The following UNC5D variants were observed in gnomAD, a reference collection of about 807,000 sequenced individuals.
UNC5D encodes the protein netrin receptor UNC5D.
In UNC5D, 39 loss-of-function variants were observed where a neutral mutation model predicts 105.4. The ratio of observed to expected loss-of-function variants is 0.37; its 90% confidence interval spans 0.29 to 0.48. The LOEUF (loss-of-function observed/expected upper bound fraction) is 0.48. UNC5D is among the 20% of genes least tolerant of loss of function. UNC5D has a pLI of 0.98. For missense variants in UNC5D, 991 were observed against 1,202.4 expected (o/e 0.82, Z 2.60); for synonymous variants, 452 against 450.4 (o/e 1.00, Z -0.04).
chr8:35,518,644 G>A (rs1482826873), intron 1 of UNC5D, among the ~76,000 whole-genome samples: 1 of 152,032 alleles, frequency 6.6e-6, no homozygotes, highest in Non-Finnish European at 1.5e-5. Context: ...ATTTATGCAT[G>A]TTTTCTTTGG....
intron 16 of UNC5D, among the ~76,000 whole-genome samples, chr8:35,782,364 A>C (rs1206963836): frequency 6.6e-6 from 1 of 152,172 alleles, no homozygotes; most frequent in Non-Finnish European, 1.5e-5. Flanking sequence ...AGAGATATTA[A>C]TATTTTTCCA....
At position 35,387,644 on chromosome 8, in the gene UNC5D, G is replaced by A. The variant is rs77133406; in HGVS notation, c.103+151757G>A. 8.1e-3 allele frequency among the ~76,000 whole-genome samples: 1,230 copies of A among 152,224 alleles called. 4 individuals are homozygous for A. Among genetic ancestry groups the A allele is most frequent in the Non-Finnish European group, 0.012 (848 of 68,018 alleles). On this transcript the variant is annotated intron_variant, in intron 1 of 16. Transcript: ENST00000404895. ...CTACCCGTATTTGACGCTCAGCTAG[G>A]CCACTTGATGGCTGTGCAACGTTGA...
intron 9 of UNC5D, among the ~76,000 whole-genome samples, chr8:35,725,883 C>T (rs894754344): frequency 9.9e-5 from 15 of 152,076 alleles, no homozygotes; most frequent in African/African-American, 3.6e-4. Context: ...GCCAGAAATA[C>T]TTGTTTTGAA....
intron 4 of UNC5D, among the ~76,000 whole-genome samples, chr8:35,629,651 T>G (rs550710155): frequency 1.2e-4 from 19 of 152,310 alleles, no homozygotes; most frequent in African/African-American, 4.6e-4. Flanking sequence ...TTACACAATA[T>G]ACCCACGTAA....
intron 1 of UNC5D, among the ~76,000 whole-genome samples, chr8:35,434,123 A>G (rs1806839184): frequency 6.6e-6 from 1 of 152,126 alleles, no homozygotes; most frequent in Non-Finnish European, 1.5e-5. Flanking sequence ...GATTTAGGAA[A>G]GTATGAATTT....
At chr8:35,640,062 A>G (rs1563620624) in intron 4 of UNC5D, among the ~76,000 whole-genome samples, 1 of 152,048 alleles carries the variant, frequency 6.6e-6, no homozygotes, top group Non-Finnish European at 1.5e-5. Flanking sequence ...CACATGGTCC[A>G]TTTCATTTAT....
intron 12 of UNC5D, among the ~76,000 whole-genome samples, 164 bp downstream of exon 12, chr8:35,748,859 T>C (rs887480670): frequency 2.6e-5 from 4 of 151,418 alleles, no homozygotes; most frequent in South Asian, 4.2e-4. Flanking sequence ...TTGTTTTTCT[T>C]CCCCCCCCAT....
At chr8:35,303,263 A>G (rs1177987241) in intron 1 of UNC5D, among the ~76,000 whole-genome samples, 4 of 152,168 alleles carry the variant, frequency 2.6e-5, no homozygotes, top group Non-Finnish European at 4.4e-5. Context: ...TAATAGGTTT[A>G]TAGACCCAAA....
intron 1 of UNC5D, among the ~76,000 whole-genome samples, chr8:35,427,065 C>T (rs551768792): frequency 1.3e-5 from 2 of 152,106 alleles, no homozygotes; most frequent in East Asian, 3.9e-4. Flanking sequence ...TGATTTATTC[C>T]CCTGAATTGA....
chr8:35,476,154 T>C (rs560340094), intron 1 of UNC5D, among the ~76,000 whole-genome samples: 1 of 152,318 alleles, frequency 6.6e-6, no homozygotes, highest in African/African-American at 2.4e-5. Flanking sequence ...TGTCTTCTGC[T>C]GTTGGGTTAG....
chr8:35,563,661 A>C (rs1019148317), intron 2 of UNC5D, among the ~76,000 whole-genome samples: 13 of 152,130 alleles, frequency 8.5e-5, no homozygotes, highest in Non-Finnish European at 1.9e-4. Context: ...ATGTTGAATG[A>C]AAATATAAAA....
chr8:35,422,344 TA>T (rs1205265798), intron 1 of UNC5D, among the ~76,000 whole-genome samples: 2 of 152,234 alleles, frequency 1.3e-5, no homozygotes, highest in Non-Finnish European at 2.9e-5. Flanking sequence ...TTTTCTCAGT[TA>T]TTCTATGTTT....
intron 1 of UNC5D, among the ~76,000 whole-genome samples, chr8:35,545,174 G>A (rs1370179671): frequency 6.6e-6 from 1 of 152,050 alleles, no homozygotes; most frequent in African/African-American, 2.4e-5. Context: ...AATTTATCTT[G>A]AAGGAAAAAA....
intron 3 of UNC5D, 122 bp downstream of exon 3, chr8:35,568,363 C>T (rs1165599790): frequency 3.0e-6 from 4 of 1,326,824 alleles, no homozygotes; most frequent in East Asian, 4.9e-5. Flanking sequence ...CTTAAATTTA[C>T]TCTTCTAAAA....
intron 1 of UNC5D, among the ~76,000 whole-genome samples, chr8:35,274,337 G>A (rs1334123215): frequency 6.6e-6 from 1 of 152,202 alleles, no homozygotes; most frequent in Non-Finnish European, 1.5e-5. Context: ...AGAACTCATT[G>A]CTTAAGTTCA....
intron 1 of UNC5D, among the ~76,000 whole-genome samples, chr8:35,324,183 T>C (rs1329798456): frequency 7.5e-6 from 1 of 133,746 alleles, no homozygotes; most frequent in African/African-American, 2.8e-5. Flanking sequence ...CAGTGAGCAA[T>C]GATCACACCA....
At chr8:35,501,200 T>C (rs1028838010) in intron 1 of UNC5D, among the ~76,000 whole-genome samples, 1 of 152,222 alleles carries the variant, frequency 6.6e-6, no homozygotes, top group Non-Finnish European at 1.5e-5. Context: ...GCATTCGAAA[T>C]AATGCCATCT....
At chr8:35,669,376 C>T (rs977474461) in intron 4 of UNC5D, among the ~76,000 whole-genome samples, 1 of 152,096 alleles carries the variant, frequency 6.6e-6, no homozygotes, top group Non-Finnish European at 1.5e-5. Context: ...CAGTACCTAA[C>T]AGTGCAGCAT....
chr8:35,565,960 T>A (rs1817307034), intron 2 of UNC5D, among the ~76,000 whole-genome samples: 1 of 152,234 alleles, frequency 6.6e-6, no homozygotes, highest in African/African-American at 2.4e-5. Context: ...TGTCTGCCCA[T>A]TCATATTTCT....
Sources: allele counts gnomAD v4.1 joint callset (sites outside exome capture counted in the v4.1 genomes callset), GRCh38; gene constraint gnomAD v4.1.1; transcripts MANE v1.5; gene names NCBI Gene and HGNC (gene_info 2026-07-23, HGNC 2026-07-21).